Variants in C6orf132 observed in about 807,000 individuals in gnomAD.
The protein encoded by C6orf132 is chromosome 6 open reading frame 132, also known as uncharacterized protein C6orf132.
C6orf132 carries 43 observed loss-of-function variants against 65.3 expected under a neutral mutation model. That is an observed-to-expected ratio of 0.66 (90% CI 0.52 to 0.85). The LOEUF (loss-of-function observed/expected upper bound fraction) is 0.85, where lower values mean the gene tolerates loss of function less well. Among genes scored for constraint, C6orf132 ranks in the 40% least tolerant of loss-of-function variants. C6orf132 has a pLI of 0.00. For synonymous variants in C6orf132, 631 were observed against 654.1 expected, an observed-to-expected ratio of 0.96 and a Z score of 0.54; for missense variants, 1,488 against 1,548.8, an observed-to-expected ratio of 0.96 and a Z score of 0.66.
chr6:42,110,854 A>C (rs1423209667), intron 2 of C6orf132, among the ~76,000 whole-genome samples: 2 of 152,260 alleles, frequency 1.3e-5, no homozygotes, highest in African/African-American at 4.8e-5. Flanking sequence ...CATGTCTGCA[A>C]ATGACCACAG....
intron 1 of C6orf132, among the ~76,000 whole-genome samples, chr6:42,135,537 C>T (rs965023012): frequency 6.6e-6 from 1 of 152,318 alleles, no homozygotes; most frequent in East Asian, 1.9e-4. Flanking sequence ...CATTTCTTTG[C>T]TCACAGAGTT....
chr6:42,132,306 G>T (rs993308461), intron 1 of C6orf132, among the ~76,000 whole-genome samples: 10 of 151,580 alleles, frequency 6.6e-5, no homozygotes, highest in Admixed American at 3.3e-4. Context: ...ACAAGGTCAG[G>T]AGATCGAGAC....
At chr6:42,117,572 TA>T (rs1766602416) in intron 2 of C6orf132, among the ~76,000 whole-genome samples, 3 of 152,172 alleles carry the variant, frequency 2.0e-5, no homozygotes, top group African/African-American at 4.8e-5. Context: ...ACCGGGCAGT[TA>T]AACAAATGTT....
rs185688751 is a variant in C6orf132 at position 42,109,856 on chromosome 6, G to A, written c.328+360C>T. ...CCCATCGTTCGTTGGAAGATACAGA[G>A]GTAGGAGGGGTGAAGTGTCTTGCCC... On this transcript the variant is annotated intron_variant, in intron 3 of 4. Transcript: ENST00000341865. Among the ~76,000 whole-genome samples, 756 of 152,276 alleles carry A rather than the reference G, an allele frequency of 5.0e-3. 4 individuals carry two copies. The highest frequency in any genetic ancestry group is 7.8e-3 in the Non-Finnish European group (529 of 68,024).
chr6:42,133,591 G>T, intron 1 of C6orf132, among the ~76,000 whole-genome samples: 1 of 152,116 alleles, frequency 6.6e-6, no homozygotes, highest in East Asian at 1.9e-4. Context: ...AGCAAGGCCT[G>T]AGCCCCAGAT....
At chr6:42,122,153 A>G (rs936166244) in intron 2 of C6orf132, among the ~76,000 whole-genome samples, 3 of 152,190 alleles carry the variant, frequency 2.0e-5, no homozygotes, top group Non-Finnish European at 1.5e-5. Context: ...GTGTCCACCC[A>G]TGAAGCATCT....
intron 3 of C6orf132, among the ~76,000 whole-genome samples, chr6:42,109,823 CTGT>C (rs141410200): frequency 0.015 from 2,269 of 152,310 alleles, 16 homozygotes; most frequent in Middle Eastern, 0.068. Flanking sequence ...CCAAACTGAA[CTGT>C]TGTTCCCATC....
chr6:42,107,114 G>T lies in C6orf132; in HGVS notation c.798C>A (p.Gly266=). ...TGGCTCTGGTGGCCTCTGCCTGCCTGCCATTCAGTGCTACATCTGATTTCC... is the reference window on the plus strand; with the variant it reads ...TGGCTCTGGTGGCCTCTGCCTGCCTTCCATTCAGTGCTACATCTGATTTCC... ...TKWKSDVALN[G]RQAEATRASP... is the part of the protein sequence containing the mutation. Residue 266 remains glycine (G), a synonymous_variant, in exon 4 of 5, where the codon GGC becomes GGA. Transcript: ENST00000341865. The T allele has an allele frequency of 6.9e-7, 1 of 1,454,864 alleles. No homozygotes were observed. Among genetic ancestry groups the T allele is most frequent in the South Asian group, 1.4e-5 (1 of 71,248 alleles). 90.1% of individuals were successfully genotyped at this position (1,454,864 alleles called of 1,614,324 possible). A position where few individuals can be genotyped will look rare whatever the true frequency, so the allele number is the denominator to read the frequency against.
At position 42,107,017 on chromosome 6, in the gene C6orf132, G is replaced by A; in HGVS notation, c.895C>T (p.Pro299Ser). The stretch of plus-strand genomic sequence containing the variant: ...GGGGGAGGCACTTTGAAAGAACGGG[G>A]GAAGGTGAGATGGGGCTCTGGGTTA... Reference protein sequence around the residue: ...GPNPEPHLTFPRSFKVPPPTP... With the variant: ...GPNPEPHLTFSRSFKVPPPTP... Residue 299 changes from proline to serine, a missense_variant, in exon 4 of 5, where the codon CCC becomes TCC. Coordinates refer to ENST00000341865, the MANE Select transcript of C6orf132 (RefSeq NM_001164446.3). The A allele has an allele frequency of 1.3e-6, 2 of 1,532,766 alleles. No homozygotes were observed. The highest frequency in any genetic ancestry group is 1.7e-6 in the Non-Finnish European group (2 of 1,144,328). The allele number at this position is 1,532,766 out of a possible 1,614,324, so 94.9% of individuals were successfully genotyped here.
Position 42,142,402 on chromosome 6 carries a change from A to G in C6orf132, c.43T>C (p.Phe15Leu). 1 of 1,551,344 alleles carries G rather than the reference A, an allele frequency of 6.4e-7. No homozygotes were observed. The highest frequency in any genetic ancestry group is 8.7e-7 in the Non-Finnish European group (1 of 1,146,824). Residue 15 changes from phenylalanine to leucine, a missense_variant, in exon 1 of 5, where the codon TTC becomes CTC. Transcript: ENST00000341865. ...QTVQGTFSKL[F>L]GKKHTTTPST... ...GGGGTCGTGGTGTGCTTCTTCCCGA[A>G]GAGTTTGCTGAAGGTGCCCTGCACC...
Position 42,103,893 on chromosome 6 carries a change from G to A in C6orf132, c.3450-15C>T. The A allele has an allele frequency of 7.2e-7, 1 of 1,388,058 alleles. No individual in the cohort carries two copies. Among genetic ancestry groups the A allele is most frequent in the Non-Finnish European group, 9.4e-7 (1 of 1,066,268 alleles). 86.0% of individuals were successfully genotyped at this position (1,388,058 alleles called of 1,614,324 possible). ...TGTAGGGAGACCTGGGGGAGAGCAA[G>A]AGATGTGAGGTGAATATCTGCAGCT... is the stretch of plus-strand genomic sequence containing the variant. On this transcript the variant is annotated splice_polypyrimidine_tract_variant and intron_variant, in intron 4 of 4. Coordinates refer to ENST00000341865, the MANE Select transcript of C6orf132 (RefSeq NM_001164446.3).
intron 1 of C6orf132, among the ~76,000 whole-genome samples, chr6:42,130,565 G>A (rs1353181939): frequency 2.0e-5 from 3 of 152,062 alleles, no homozygotes; most frequent in Non-Finnish European, 2.9e-5. Context: ...CGACAGCCAC[G>A]CTCCTAGGCA....
chr6:42,140,350 C>T (rs573696725), intron 1 of C6orf132, among the ~76,000 whole-genome samples: 4 of 152,280 alleles, frequency 2.6e-5, no homozygotes, highest in African/African-American at 9.6e-5. Context: ...GGCTGAGAGG[C>T]GTGGCTGAGA....
At chr6:42,137,462 C>T (rs778310664) in intron 1 of C6orf132, among the ~76,000 whole-genome samples, 4 of 152,024 alleles carry the variant, frequency 2.6e-5, no homozygotes, top group Admixed American at 6.6e-5. Context: ...TCCTGACTCC[C>T]GGGGTAGGAG....
intron 1 of C6orf132, 24 bp downstream of exon 1, chr6:42,142,276 G>A (rs756124315): frequency 6.5e-7 from 1 of 1,544,094 alleles, no homozygotes; most frequent in South Asian, 1.2e-5. Flanking sequence ...CCGCCCCAGC[G>A]CCCTCCGTCC....
At chr6:42,139,794 A>G (rs1767005308) in intron 1 of C6orf132, among the ~76,000 whole-genome samples, 1 of 152,198 alleles carries the variant, frequency 6.6e-6, no homozygotes, top group African/African-American at 2.4e-5. Context: ...GGAAGCCAAA[A>G]GATTGGACAC....
chr6:42,110,010 C>T (rs945170307), intron 3 of C6orf132, among the ~76,000 whole-genome samples: 2 of 152,226 alleles, frequency 1.3e-5, no homozygotes, highest in South Asian at 4.1e-4. Flanking sequence ...GGGGCCTTCA[C>T]TGACCGTGGC....
Position 42,104,690 on chromosome 6 carries a change from G to A in C6orf132, c.3222C>T (p.Gly1074=). The change falls in exon 4 of 5, where the codon GGC becomes GGT. Residue 1074 remains glycine, a synonymous_variant. Transcript: ENST00000341865. This position sits in a 1 kb window ranked among gnomAD's most constrained non-coding sequence, Gnocchi z 4.1. The part of the protein sequence containing the change: ...KRLYVGEPHR[G]PGLPHGGTGR... ...CGGTGCCACCGTGGGGTAGCCCTGG[G>A]CCTCGGTGCGGCTCCCCGACGTACA... is the stretch of plus-strand genomic sequence containing the variant. 2 of 1,520,130 alleles carry A rather than the reference G, an allele frequency of 1.3e-6. No homozygotes were observed. Among genetic ancestry groups the A allele is most frequent in the Non-Finnish European group, 8.8e-7 (1 of 1,140,450 alleles). The allele number at this position is 1,520,130 out of a possible 1,614,324, so 94.2% of individuals were successfully genotyped here.
At chr6:42,119,666 T>A (rs1396977861) in intron 2 of C6orf132, among the ~76,000 whole-genome samples, 2 of 151,972 alleles carry the variant, frequency 1.3e-5, no homozygotes, top group African/African-American at 4.8e-5. Context: ...TGTTTTTATA[T>A]TTTTTGTGGG....
Sources: allele counts gnomAD v4.1 joint callset (sites outside exome capture counted in the v4.1 genomes callset), GRCh38; gene constraint gnomAD v4.1.1; non-coding constraint Gnocchi (gnomAD v3.1); transcripts MANE v1.5; gene names NCBI Gene and HGNC (gene_info 2026-07-23, HGNC 2026-07-21).